DIAPH2: variants seen among roughly 807,000 people sequenced by gnomAD.
DIAPH2 encodes protein diaphanous homolog 2.
Under a neutral mutation model 92.7 loss-of-function variants are expected in DIAPH2, and 35 were observed. The ratio of observed to expected loss-of-function variants is 0.38; its 90% CI spans 0.29 to 0.50. DIAPH2 has a LOEUF of 0.50. Ranked by LOEUF, DIAPH2 falls within the 20% of genes least tolerant of loss-of-function variation. The pLI is 0.94. For missense variants in DIAPH2, 701 were observed against 819.5 expected, an observed-to-expected ratio of 0.86 and a Z score of 1.77; for synonymous variants, 301 against 280.4, an observed-to-expected ratio of 1.07 and a Z score of -0.73.
At chrX:96,721,302 A>G (rs2063986913) in intron 1 of DIAPH2, among the ~76,000 whole-genome samples, 1 of 112,237 alleles carries the variant, frequency 8.9e-6, no homozygotes, top group African/African-American at 3.2e-5. Flanking sequence ...CAAACTGAAA[A>G]TTCACTTTGC....
intron 23 of DIAPH2, among the ~76,000 whole-genome samples, chrX:97,257,585 C>G (rs764141206): frequency 7.0e-4 from 78 of 111,922 alleles, no homozygotes; most frequent in African/African-American, 2.3e-3. Flanking sequence ...ATAGGCCTGA[C>G]TCAGAACCTA....
chrX:97,091,460 C>T (rs532386440), intron 19 of DIAPH2, among the ~76,000 whole-genome samples: 2 of 109,598 alleles, frequency 1.8e-5, no homozygotes, highest in Non-Finnish European at 3.8e-5. Context: ...GCTATTTTAG[C>T]GATGGGGGTC....
chrX:97,332,272 T>C (rs1332257183), intron 23 of DIAPH2, among the ~76,000 whole-genome samples: 2 of 112,131 alleles, frequency 1.8e-5, no homozygotes, highest in East Asian at 5.6e-4. Flanking sequence ...TGCTTTATTT[T>C]GTATCTGCTG....
intron 23 of DIAPH2, among the ~76,000 whole-genome samples, chrX:97,281,797 A>G (rs1349493598): frequency 9.0e-6 from 1 of 111,506 alleles, no homozygotes; most frequent in Non-Finnish European, 1.9e-5. Flanking sequence ...AATTCATTGT[A>G]TATACATTTG....
In DIAPH2 at chrX:97,599,685, A is replaced by AC. The variant is rs2071580143; in HGVS notation, c.*369dup. The AC allele has an allele frequency of 8.0e-6, 1 of 124,686 alleles. No homozygotes were observed. Among genetic ancestry groups the AC allele is most frequent in the Non-Finnish European group, 1.6e-5 (1 of 61,703 alleles). 10.3% of individuals were successfully genotyped at this position (124,686 alleles called of 1,213,427 possible). ...AATGTGTAAGTCACCCCCACCAAAA[A>AC]CAAAAGAGAAGAAAAAGAATAGAAA... is the stretch of plus-strand genomic sequence containing the variant. On this transcript the variant is annotated 3_prime_UTR_variant, in exon 27 of 27. Coordinates refer to ENST00000324765, the MANE Select transcript of DIAPH2 (RefSeq NM_006729.5).
chrX:97,105,587 A>G (rs2066934633), intron 20 of DIAPH2, among the ~76,000 whole-genome samples: 1 of 111,491 alleles, frequency 9.0e-6, no homozygotes, highest in South Asian at 3.8e-4. Context: ...GAGCTTTTAG[A>G]CTCTTCTGAG....
intron 12 of DIAPH2, among the ~76,000 whole-genome samples, chrX:96,941,424 T>C (rs2065703625): frequency 8.9e-6 from 1 of 112,029 alleles, no homozygotes; most frequent in Non-Finnish European, 1.9e-5. Flanking sequence ...TTAAACAAAT[T>C]GAAGCAATAG....
At chrX:97,020,230 A>G (rs928307207) in intron 17 of DIAPH2, among the ~76,000 whole-genome samples, 1 of 112,433 alleles carries the variant, frequency 8.9e-6, no homozygotes, top group Non-Finnish European at 1.9e-5. Flanking sequence ...CTATATAAAT[A>G]AGCCCTTGCT....
chrX:97,334,923 G>A (rs185096395), intron 23 of DIAPH2, among the ~76,000 whole-genome samples: 1,001 of 95,399 alleles, frequency 0.01, 14 homozygotes, highest in African/African-American at 0.035. Context: ...GGAGGTTGCA[G>A]TGAGCCGAGA....
At chrX:97,077,074 T>C (rs946882397) in intron 19 of DIAPH2, among the ~76,000 whole-genome samples, 6 of 112,004 alleles carry the variant, frequency 5.4e-5, no homozygotes, top group African/African-American at 1.6e-4. Flanking sequence ...TAATTGGAAT[T>C]GTGCTACTTG....
At chrX:96,830,885 G>A (rs377479997) in intron 4 of DIAPH2, among the ~76,000 whole-genome samples, 1 of 111,163 alleles carries the variant, frequency 9.0e-6, no homozygotes, top group South Asian at 3.8e-4. Context: ...GGGGCATTTC[G>A]TGATATCTAC....
At chrX:96,966,142 T>G (rs2065892550) in intron 17 of DIAPH2, among the ~76,000 whole-genome samples, 1 of 111,603 alleles carries the variant, frequency 9.0e-6, no homozygotes, top group African/African-American at 3.3e-5. Context: ...TTGTGCTGTA[T>G]TTGTTGTTCT....
intron 23 of DIAPH2, among the ~76,000 whole-genome samples, chrX:97,274,997 T>C (rs2068426844): frequency 8.9e-6 from 1 of 111,977 alleles, no homozygotes; most frequent in Admixed American, 9.5e-5. Context: ...GGCAGAAGAA[T>C]CTTTCTTAGT....
chrX:96,897,727 ATTT>A (rs2065355527), intron 5 of DIAPH2, among the ~76,000 whole-genome samples: 1 of 108,203 alleles, frequency 9.2e-6, no homozygotes, highest in Non-Finnish European at 1.9e-5. Flanking sequence ...TTTAAATTTT[ATTT>A]TATTATTATT....
Position 97,192,690 on chromosome X carries a change from G to A in DIAPH2, c.2719+50896G>A, listed in dbSNP as rs139003681. Among the ~76,000 whole-genome samples, 70 of 111,224 alleles carry A rather than the reference G, an allele frequency of 6.3e-4. 1 individual carries two copies. The East Asian group carries it at 0.019, about 30-fold the overall frequency. On this transcript the variant is annotated intron_variant, in intron 22 of 26. Coordinates refer to ENST00000324765, the MANE Select transcript of DIAPH2 (RefSeq NM_006729.5). ...AAATATCCTACTTTTATGAGATGAC[G>A]GTGATGATAGATGGTAGGAATTTTC...
chrX:97,439,578 AAAAAG>A (rs2070231933), intron 26 of DIAPH2, among the ~76,000 whole-genome samples: 1 of 109,401 alleles, frequency 9.1e-6, no homozygotes, highest in Admixed American at 9.7e-5. Flanking sequence ...TCAAAAAAAA[AAAAAG>A]AAAAGAAAAG....
At chrX:97,272,028 C>T (rs923776470) in intron 23 of DIAPH2, among the ~76,000 whole-genome samples, 3 of 109,597 alleles carry the variant, frequency 2.7e-5, no homozygotes, top group African/African-American at 6.6e-5. Context: ...GATGGAGTTT[C>T]GCTCTTGTTG....
Position 97,066,030 on chromosome X carries a change from T to TA in DIAPH2, c.2051-6903dup, listed in dbSNP as rs1250131485. Among the ~76,000 whole-genome samples, 9 of 111,526 alleles carry TA rather than the reference T, an allele frequency of 8.1e-5. No individual in the cohort carries two copies. In the South Asian group the frequency reaches 1.5e-3, roughly 18 times the overall value. On this transcript the variant is annotated intron_variant, in intron 17 of 26. Coordinates refer to ENST00000324765, the MANE Select transcript of DIAPH2 (RefSeq NM_006729.5). ...AGTGTGATTACAAGAGTCAAAAGTT[T>TA]AAAAAAAACAAAAAGTTTATAATTA...
chrX:96,974,911 C>G (rs2065951093), intron 17 of DIAPH2, among the ~76,000 whole-genome samples: 1 of 111,351 alleles, frequency 9.0e-6, no homozygotes, highest in Non-Finnish European at 1.9e-5. Context: ...CTAGGGTTCT[C>G]TAGAGGCTTC....
Sources: gnomAD v4.1 joint callset for allele counts (sites outside exome capture counted in the v4.1 genomes callset) on GRCh38, gnomAD v4.1.1 for gene constraint, MANE v1.5 for transcripts, NCBI Gene and HGNC (gene_info 2026-07-23, HGNC 2026-07-21) for gene names.